The following PI4KA variants were observed in gnomAD, a reference collection of about 807,000 sequenced individuals.
PI4KA encodes the protein PI4-kinase alpha.
PI4KA carries 122 observed loss-of-function variants against 271.4 expected under a neutral mutation model. The ratio of observed to expected loss-of-function variants is 0.45; its 90% CI spans 0.39 to 0.52. PI4KA has a LOEUF of 0.52. PI4KA is among the 20% of genes least tolerant of loss of function. The probability of loss-of-function intolerance (pLI) is 0.00; values close to 1 mark genes in which losing one functional copy is unlikely to be tolerated. For synonymous variants in PI4KA, 1,041 were observed against 1,078.8 expected, an observed-to-expected ratio of 0.96 and a Z score of 0.69; for missense variants, 1,969 against 2,769.1, an observed-to-expected ratio of 0.71 and a Z score of 6.48.
At chr22:20,834,763 C>G (rs1924646684) in intron 2 of PI4KA, 108 bp from the exon 3 acceptor site, 1 of 670,998 alleles carries the variant, frequency 1.5e-6, no homozygotes, top group Non-Finnish European at 2.6e-6. Flanking sequence ...TCCTAATCAT[C>G]TCAGAGATTC....
At chr22:20,818,898 T>C (rs922542296) in intron 6 of PI4KA, among the ~76,000 whole-genome samples, 7 of 152,190 alleles carry the variant, frequency 4.6e-5, no homozygotes, top group African/African-American at 1.7e-4. Flanking sequence ...AACATATACT[T>C]TATGACTATG....
intron 19 of PI4KA, among the ~76,000 whole-genome samples, chr22:20,789,038 C>A (rs1335658546): frequency 6.6e-6 from 1 of 152,188 alleles, no homozygotes; most frequent in Non-Finnish European, 1.5e-5. Context: ...CGTTTCAATG[C>A]CTTTTGTTCA....
At chr22:20,854,814 T>C (rs1471573635) in intron 1 of PI4KA, among the ~76,000 whole-genome samples, 1 of 152,176 alleles carries the variant, frequency 6.6e-6, no homozygotes, top group Non-Finnish European at 1.5e-5. Flanking sequence ...AGTCTCCATC[T>C]TTATTATCTC....
chr22:20,818,567 A>G lies in PI4KA; in HGVS notation c.790-18T>C. 3.3e-6 allele frequency: 5 copies of G among 1,521,792 alleles called. No individual in the cohort carries two copies. The highest frequency in any genetic ancestry group is 4.4e-6 in the Non-Finnish European group (5 of 1,144,098). 94.3% of individuals were successfully genotyped at this position (1,521,792 alleles called of 1,614,324 possible). A position where few individuals can be genotyped will look rare whatever the true frequency, so the allele number is the denominator to read the frequency against. On this transcript the variant is annotated intron_variant, in intron 6 of 54. Coordinates refer to ENST00000255882, the MANE Select transcript of PI4KA (RefSeq NM_058004.4). ...GGGCTGACCTGAAACACACAACCAC[A>G]GTTACATATCAGAAAAGACCAGTGA...
In PI4KA at chr22:20,729,330, G is replaced by A. The variant is rs147821063; in HGVS notation, c.4665C>T (p.Ala1555=). Residue 1555 remains alanine (A), a synonymous_variant, in exon 39 of 55, where the codon GCC becomes GCT. Coordinates refer to ENST00000255882, the MANE Select transcript of PI4KA (RefSeq NM_058004.4). ...NLAWSISPYL[A]VQLPARFKNT... The stretch of plus-strand genomic sequence containing the variant: ...GGGCCCACCTGGCAGGCAGCTGCAC[G>A]GCTAGGTAGGGAGAGATGCTCCAGG... 4.2e-5 allele frequency: 68 copies of A among 1,613,612 alleles called. No homozygotes were observed. In the East Asian group the frequency reaches 5.6e-4, roughly 13 times the overall value.
intron 19 of PI4KA, among the ~76,000 whole-genome samples, chr22:20,783,142 C>A (rs1292894642): frequency 6.6e-6 from 1 of 152,202 alleles, no homozygotes; most frequent in Non-Finnish European, 1.5e-5. Context: ...TCACCCATTA[C>A]TATTAGTTAC....
intron 3 of PI4KA, among the ~76,000 whole-genome samples, chr22:20,827,577 T>C (rs891100140): frequency 7.2e-5 from 11 of 152,216 alleles, no homozygotes; most frequent in African/African-American, 2.7e-4. Context: ...TTTTTTCTAA[T>C]TCTGTGAAGA....
chr22:20,713,986 C>A (rs1925661602), intron 47 of PI4KA, among the ~76,000 whole-genome samples: 1 of 152,172 alleles, frequency 6.6e-6, no homozygotes, highest in Admixed American at 6.5e-5. Context: ...CAAGGGAGAT[C>A]ATCATGTGAA....
chr22:20,803,040 C>T, intron 13 of PI4KA, 151 bp downstream of exon 13: 1 of 729,538 alleles, frequency 1.4e-6, no homozygotes, highest in Non-Finnish European at 2.3e-6. Flanking sequence ...GGAAGAAAGG[C>T]CTGGAGCTTG....
intron 1 of PI4KA, among the ~76,000 whole-genome samples, chr22:20,857,709 A>T (rs972172532): frequency 6.6e-6 from 1 of 152,166 alleles, no homozygotes; most frequent in African/African-American, 2.4e-5. Flanking sequence ...GAACAACCTC[A>T]TTTTACAGAT....
At chr22:20,713,217 GC>G in intron 48 of PI4KA, 63 bp downstream of exon 48, 2 of 1,139,796 alleles carry the variant, frequency 1.8e-6, no homozygotes, top group Non-Finnish European at 2.6e-6. Flanking sequence ...ACTCTGGCGG[GC>G]CTGGAGCCTT....
chr22:20,857,723 G>A (rs1315416371), intron 1 of PI4KA, among the ~76,000 whole-genome samples: 3 of 152,132 alleles, frequency 2.0e-5, no homozygotes, highest in African/African-American at 7.2e-5. Context: ...TACAGATAAG[G>A]ATACAGAGGC....
chr22:20,755,485 A>T (rs1300309170), intron 23 of PI4KA, among the ~76,000 whole-genome samples: 3 of 152,178 alleles, frequency 2.0e-5, no homozygotes, highest in Non-Finnish European at 2.9e-5. Context: ...ATTGTTACAG[A>T]GGTGCCAAGT....
chr22:20,815,697 G>A (rs1265850583), intron 7 of PI4KA, among the ~76,000 whole-genome samples: 1 of 152,060 alleles, frequency 6.6e-6, no homozygotes, highest in Non-Finnish European at 1.5e-5. Context: ...ATAAGAAATG[G>A]CCACTGAAAG....
intron 4 of PI4KA, among the ~76,000 whole-genome samples, chr22:20,821,026 G>C (rs1353145012): frequency 1.3e-5 from 2 of 152,142 alleles, no homozygotes; most frequent in Non-Finnish European, 2.9e-5. Flanking sequence ...TTTTACGGTA[G>C]TCCAGTTTTC....
intron 29 of PI4KA, 179 bp downstream of exon 29, chr22:20,747,404 G>A (rs1930233729): frequency 2.0e-6 from 1 of 501,952 alleles, no homozygotes; most frequent in Non-Finnish European, 3.4e-6. Flanking sequence ...CATTTCAATG[G>A]CCACCTCTTC....
chr22:20,830,167 C>T (rs1272404378), intron 3 of PI4KA, among the ~76,000 whole-genome samples: 5 of 152,082 alleles, frequency 3.3e-5, no homozygotes, highest in East Asian at 1.9e-4. Flanking sequence ...GGTCAAGTGT[C>T]GAGTTTAAAT....
At chr22:20,804,432 A>C in intron 11 of PI4KA, 32 bp from the exon 12 acceptor site, 2 of 1,421,606 alleles carry the variant, frequency 1.4e-6, no homozygotes, top group South Asian at 2.3e-5. Context: ...GAGATGAGTG[A>C]TCAGCACAGG....
chr22:20,743,937 C>T (rs574352997), intron 30 of PI4KA, among the ~76,000 whole-genome samples: 4 of 152,020 alleles, frequency 2.6e-5, no homozygotes, highest in Non-Finnish European at 5.9e-5. Context: ...GCCTGTAGTC[C>T]CAGCTACTCG....
Sources: allele counts gnomAD v4.1 joint callset (sites outside exome capture counted in the v4.1 genomes callset), GRCh38; gene constraint gnomAD v4.1.1; transcripts MANE v1.5; gene names NCBI Gene and HGNC (gene_info 2026-07-23, HGNC 2026-07-21).